The following ANKRD11 variants were observed in gnomAD, a reference collection of about 807,000 sequenced individuals.
The protein encoded by ANKRD11 is ankyrin repeat domain-containing protein 11.
Under a neutral mutation model 195.7 loss-of-function variants are expected in ANKRD11, and 17 were observed. The observed-to-expected ratio is 0.09, with a 90% CI of 0.06 to 0.13. The LOEUF (loss-of-function observed/expected upper bound fraction) is 0.13, where lower values mean the gene tolerates loss of function less well. Ranked by LOEUF, ANKRD11 falls within the 10% of genes least tolerant of loss-of-function variation. The pLI, the probability that ANKRD11 is intolerant of heterozygous loss-of-function variation, is 1.00. For synonymous variants in ANKRD11, 1,953 were observed against 1,528.1 expected (o/e 1.28, Z -6.49); for missense variants, 3,735 against 3,566.1 (o/e 1.05, Z -1.21).
At position 89,279,850 on chromosome 16, in the gene ANKRD11, G is replaced by T. The variant is rs1227317460; in HGVS notation, c.6692C>A (p.Ala2231Asp). The T allele has an allele frequency of 1.3e-6, 2 of 1,551,772 alleles. No homozygotes were observed. The highest frequency in any genetic ancestry group is 1.9e-4 in the Middle Eastern group (1 of 5,162). The change falls in exon 9 of 13, where the codon GCC becomes GAC. Residue 2231 changes from alanine (A) to aspartate (D), a missense_variant. Coordinates refer to ENST00000301030, the MANE Select transcript of ANKRD11 (RefSeq NM_013275.6). The surrounding 1 kb of genome is among the most constrained non-coding windows in gnomAD (Gnocchi z 5.6). The stretch of plus-strand genomic sequence containing the variant: ...CACGCTGGAGTCCGGATCCCCACGG[G>T]CCCTCTCTTCCGGCACCGTCTCCGC... ...VEAETVPEERARGDPDSSVEP... is the reference protein window; with the variant it reads ...VEAETVPEERDRGDPDSSVEP...
intron 1 of ANKRD11, among the ~76,000 whole-genome samples, chr16:89,456,891 G>A (rs1286140711): frequency 2.6e-5 from 4 of 151,946 alleles, no homozygotes; most frequent in African/African-American, 9.7e-5. Flanking sequence ...AGTTGTAAAT[G>A]TGCTACAGGC....
At chr16:89,429,227 C>T (rs1597376601) in intron 1 of ANKRD11, among the ~76,000 whole-genome samples, 2 of 104,288 alleles carry the variant, frequency 1.9e-5, no homozygotes, top group South Asian at 3.3e-4. Context: ...TCTCAACTCT[C>T]ACGCTCAGAC....
chr16:89,439,857 C>A lies in ANKRD11; in HGVS notation c.-144-21489G>T, dbSNP rs182989748. On this transcript the variant is annotated intron_variant, in intron 1 of 12. Transcript: ENST00000301030. Reference sequence around the variant, plus strand: ...GAGCCAGCTGTAAGCTCAACTCTAACACTACCCACAGTGCAGCTGACCTAG... The same window carrying A: ...GAGCCAGCTGTAAGCTCAACTCTAAAACTACCCACAGTGCAGCTGACCTAG... Among the ~76,000 whole-genome samples the A allele has an allele frequency of 1.8e-4, 27 of 152,328 alleles. No individual in the cohort carries two copies. The South Asian group carries it at 5.2e-3, about 29-fold the overall frequency.
At chr16:89,325,677 G>A (rs1207917784) in intron 2 of ANKRD11, among the ~76,000 whole-genome samples, 3 of 152,216 alleles carry the variant, frequency 2.0e-5, no homozygotes, top group Non-Finnish European at 4.4e-5. Context: ...CTGCGGAGGC[G>A]TTTGCTTTGT....
In ANKRD11 at chr16:89,271,147, G is replaced by A. The variant is rs138831394; in HGVS notation, c.7714-238C>T. On this transcript the variant is annotated intron_variant, in intron 11 of 12. Coordinates refer to ENST00000301030, the MANE Select transcript of ANKRD11 (RefSeq NM_013275.6). ...GCTGGGCCTTTGTCTCCTGGGCACC[G>A]GGTGCCCGCAGGCCCCACCTGTGAG... 2.6e-3 allele frequency: 1,463 copies of A among 571,946 alleles called. 9 individuals carry two copies. The highest frequency in any genetic ancestry group is 0.025 in the African/African-American group (1,356 of 53,902). 35.4% of individuals were successfully genotyped at this position (571,946 alleles called of 1,614,324 possible).
chr16:89,354,330 A>C (rs575648475), intron 2 of ANKRD11, among the ~76,000 whole-genome samples: 10 of 152,122 alleles, frequency 6.6e-5, no homozygotes, highest in African/African-American at 2.4e-4. Context: ...TCTCACTGTC[A>C]ATCTTTTTTG....
intron 2 of ANKRD11, chr16:89,324,580 G>A (rs1387939125): frequency 6.6e-6 from 3 of 451,934 alleles, no homozygotes; most frequent in Non-Finnish European, 1.3e-5. Flanking sequence ...ATCTGGGGGG[G>A]CATGATCTCA....
chr16:89,287,447 C>T (rs761537005), intron 7 of ANKRD11: 8 of 226,110 alleles, frequency 3.5e-5, no homozygotes, highest in Non-Finnish European at 5.4e-5. Flanking sequence ...TGACATTTTT[C>T]GTAATAAAAA....
intron 2 of ANKRD11, among the ~76,000 whole-genome samples, chr16:89,405,858 C>T (rs747016960): frequency 6.6e-6 from 1 of 152,138 alleles, no homozygotes. Flanking sequence ...CAAGAATAAT[C>T]CCAGCACTTT....
intron 9 of ANKRD11, chr16:89,277,369 G>A (rs2033745052): frequency 6.6e-6 from 1 of 152,288 alleles, no homozygotes; most frequent in East Asian, 1.9e-4. Context: ...CCTGGGTCTA[G>A]GTCTGGGGGG....
intron 2 of ANKRD11, among the ~76,000 whole-genome samples, chr16:89,372,528 C>T (rs2040240042): frequency 6.6e-6 from 1 of 152,078 alleles, no homozygotes; most frequent in African/African-American, 2.4e-5. Context: ...AGAGACGCCA[C>T]TGAAACATGA....
chr16:89,285,138 G>A lies in ANKRD11; in HGVS notation c.1404C>T (p.Arg468=). 6.2e-7 allele frequency: 1 copy of A among 1,613,582 alleles called. No individual in the cohort carries two copies. The highest frequency in any genetic ancestry group is 8.5e-7 in the Non-Finnish European group (1 of 1,180,028). Residue 468 remains arginine (R), a synonymous_variant, in exon 9 of 13, where the codon CGC becomes CGT. Coordinates refer to ENST00000301030, the MANE Select transcript of ANKRD11 (RefSeq NM_013275.6). The surrounding 1 kb of genome is among the most constrained non-coding windows in gnomAD (Gnocchi z 5.6). ...RKKETKGREV[R]FGKRSDKFCS... is the part of the protein sequence containing the mutation. ...AGAACTTGTCGCTCCGCTTTCCGAA[G>A]CGAACCTCTCTGCCTTTTGTTTCTT...
At chr16:89,316,158 G>A (rs534045041) in intron 3 of ANKRD11, among the ~76,000 whole-genome samples, 1 of 152,288 alleles carries the variant, frequency 6.6e-6, no homozygotes, top group South Asian at 2.1e-4. Flanking sequence ...GCAAGGCCCT[G>A]CCTCACCATT....
At chr16:89,459,691 G>GC (rs1487602314) in intron 1 of ANKRD11, among the ~76,000 whole-genome samples, 1 of 152,108 alleles carries the variant, frequency 6.6e-6, no homozygotes, top group Non-Finnish European at 1.5e-5. Context: ...AGGAACAGTG[G>GC]CCCATGCTTG....
intron 2 of ANKRD11, among the ~76,000 whole-genome samples, chr16:89,404,918 C>T (rs2041846493): frequency 6.6e-6 from 1 of 152,248 alleles, no homozygotes; most frequent in Non-Finnish European, 1.5e-5. Flanking sequence ...GTAAAGTGAA[C>T]TCGTGGACAA....
intron 2 of ANKRD11, among the ~76,000 whole-genome samples, chr16:89,340,956 T>C (rs147059133): frequency 5.3e-5 from 8 of 152,264 alleles, no homozygotes; most frequent in East Asian, 1.9e-4. Context: ...CATCAGCCAA[T>C]AGAGTCCTGG....
At chr16:89,436,586 C>A (rs1312428787) in intron 1 of ANKRD11, among the ~76,000 whole-genome samples, 1 of 152,188 alleles carries the variant, frequency 6.6e-6, no homozygotes, top group African/African-American at 2.4e-5. Context: ...AAGAGCAGGA[C>A]TGAAGCAGGC....
intron 2 of ANKRD11, among the ~76,000 whole-genome samples, chr16:89,389,759 C>CGA (rs2041089804): frequency 7.2e-6 from 1 of 138,630 alleles, no homozygotes; most frequent in South Asian, 2.4e-4. Flanking sequence ...CGGGGAGCAC[C>CGA]GAGAGAGAAG....
chr16:89,417,210 C>G (rs1161199980), intron 2 of ANKRD11, among the ~76,000 whole-genome samples: 2 of 152,160 alleles, frequency 1.3e-5, no homozygotes, highest in Non-Finnish European at 2.9e-5. Context: ...AGATAAGGAA[C>G]AGATACACCA....
Sources: gnomAD v4.1 joint callset for allele counts (sites outside exome capture counted in the v4.1 genomes callset) on GRCh38, gnomAD v4.1.1 for gene constraint, Gnocchi (gnomAD v3.1) non-coding constraint, MANE v1.5 for transcripts, NCBI Gene and HGNC (gene_info 2026-07-23, HGNC 2026-07-21) for gene names.